The following NEK5 variants were observed in gnomAD, a reference collection of about 807,000 sequenced individuals.
The protein encoded by NEK5 is serine/threonine-protein kinase Nek5.
A neutral mutation model predicts 109.2 loss-of-function variants in NEK5; 88 were observed. The observed-to-expected ratio is 0.81, with a 90% confidence interval of 0.68 to 0.96. The LOEUF (loss-of-function observed/expected upper bound fraction) is 0.96, where lower values mean the gene tolerates loss of function less well. Ranked by LOEUF, NEK5 falls within the 40% of genes least tolerant of loss-of-function variation. The pLI is 0.00. For synonymous variants in NEK5, 283 were observed against 299.9 expected (o/e 0.94, Z 0.58); for missense variants, 834 against 920.7 (o/e 0.91, Z 1.22).
chr13:52,124,378 C>A (rs1440752281), intron 3 of NEK5, among the ~76,000 whole-genome samples: 2 of 152,180 alleles, frequency 1.3e-5, no homozygotes, highest in African/African-American at 4.8e-5. Context: ...TGTAGGTATA[C>A]ATATATATGG....
rs1231504847 is a variant in NEK5, at chr13:52,036,694, C to T, written c.*254G>A. On this transcript the variant is annotated 3_prime_UTR_variant, in exon 24 of 24. Coordinates refer to ENST00000684899, the MANE Select transcript of NEK5 (RefSeq NM_001365552.1). ...TGTTGGTTGGACTGGTCTCAAACTC[C>T]TGACCTCATGATCTGCCTGCCTTGG... The T allele has an allele frequency of 6.6e-6, 1 of 152,514 alleles. No homozygotes were observed. The highest frequency in any genetic ancestry group is 1.9e-4 in the East Asian group (1 of 5,204). 9.4% of individuals were successfully genotyped at this position (152,514 alleles called of 1,614,324 possible).
intron 13 of NEK5, 104 bp downstream of exon 13, chr13:52,092,950 C>T (rs1955321661): frequency 3.9e-6 from 3 of 770,272 alleles, no homozygotes; most frequent in Non-Finnish European, 4.1e-6. Context: ...GAAAGTTCTT[C>T]TTGGATTATT....
chr13:52,047,868 T>C (rs1440976395), intron 23 of NEK5, among the ~76,000 whole-genome samples: 1 of 152,022 alleles, frequency 6.6e-6, no homozygotes, highest in Admixed American at 6.6e-5. Context: ...TAAATTATAA[T>C]AAAATTTTAA....
At chr13:52,124,807 C>G (rs1212210499) in intron 3 of NEK5, among the ~76,000 whole-genome samples, 1 of 152,148 alleles carries the variant, frequency 6.6e-6, no homozygotes, top group Non-Finnish European at 1.5e-5. Context: ...CAAACCTAGG[C>G]AACTCTTTCT....
intron 13 of NEK5, among the ~76,000 whole-genome samples, chr13:52,092,819 G>A (rs1955316347): frequency 6.6e-6 from 1 of 152,192 alleles, no homozygotes; most frequent in Admixed American, 6.5e-5. Flanking sequence ...TCAGAAGGCA[G>A]AGGTTGCAGT....
intron 17 of NEK5, among the ~76,000 whole-genome samples, chr13:52,078,374 A>G (rs1479960261): frequency 1.3e-5 from 2 of 152,186 alleles, no homozygotes; most frequent in South Asian, 2.1e-4. Flanking sequence ...CAGCGACAGA[A>G]AGCAGATCCG....
At chr13:52,115,230 T>C (rs918005789) in intron 4 of NEK5, among the ~76,000 whole-genome samples, 1 of 151,808 alleles carries the variant, frequency 6.6e-6, no homozygotes, top group Non-Finnish European at 1.5e-5. Context: ...CTCGATCTCC[T>C]GACCTCGTGA....
chr13:52,075,962 T>C (rs1348455347), intron 18 of NEK5, 101 bp downstream of exon 18: 2 of 918,524 alleles, frequency 2.2e-6, no homozygotes, highest in Admixed American at 5.5e-5. Flanking sequence ...AGAGCAATTC[T>C]ATAAAATACT....
chr13:52,110,580 A>G lies in NEK5; in HGVS notation c.313-3T>C. ...ATCTGTACAAACCAACCGAGGATCT[A>G]TAGAGAGAACACAAAACAAAGCCAC... On this transcript the variant is annotated splice_polypyrimidine_tract_variant and splice_region_variant and intron_variant, in intron 5 of 23. Transcript: ENST00000684899. 1.2e-6 allele frequency: 2 copies of G among 1,600,186 alleles called. No individual in the cohort carries two copies. The highest frequency in any genetic ancestry group is 1.7e-6 in the Non-Finnish European group (2 of 1,169,130).
intron 20 of NEK5, among the ~76,000 whole-genome samples, chr13:52,069,669 A>C (rs1354917821): frequency 1.3e-5 from 2 of 152,156 alleles, no homozygotes; most frequent in Non-Finnish European, 2.9e-5. Context: ...TTGAATTAGA[A>C]AACTGGGAAT....
At chr13:52,091,424 T>C (rs554171365) in intron 13 of NEK5, among the ~76,000 whole-genome samples, 100 of 152,330 alleles carry the variant, frequency 6.6e-4, no homozygotes, top group African/African-American at 2.3e-3. Context: ...ATTAAAAATG[T>C]GTTATGAAGA....
At chr13:52,092,920 G>T in intron 13 of NEK5, 134 bp downstream of exon 13, 1 of 616,512 alleles carries the variant, frequency 1.6e-6, no homozygotes, top group Non-Finnish European at 2.8e-6. Context: ...AGGGAACTAT[G>T]TGTTTAAAAT....
intron 3 of NEK5, among the ~76,000 whole-genome samples, chr13:52,121,918 C>T (rs1378256646): frequency 6.6e-6 from 1 of 150,500 alleles, no homozygotes; most frequent in Non-Finnish European, 1.5e-5. Flanking sequence ...AAATAAATTA[C>T]AGGGGTGTTT....
intron 17 of NEK5, among the ~76,000 whole-genome samples, chr13:52,080,231 CCCGCCCGG>C (rs1433042788): frequency 3.6e-5 from 5 of 140,084 alleles, no homozygotes; most frequent in Admixed American, 1.4e-4. Flanking sequence ...GGGTCAGCCC[CCCGCCCGG>C]CCAGCCGCCC....
chr13:52,105,978 GCATGAGC>G (rs1291240269), intron 8 of NEK5, among the ~76,000 whole-genome samples: 1 of 152,022 alleles, frequency 6.6e-6, no homozygotes, highest in Non-Finnish European at 1.5e-5. Flanking sequence ...GGGATTATAG[GCATGAGC>G]CACCATATCC....
chr13:52,059,989 A>C (rs923396020), intron 22 of NEK5, among the ~76,000 whole-genome samples: 1 of 151,936 alleles, frequency 6.6e-6, no homozygotes, highest in Admixed American at 6.6e-5. Context: ...TAATCATAAT[A>C]ATAATTAGGT....
At chr13:52,076,249 T>C in intron 17 of NEK5, 106 bp from the exon 18 acceptor site, 1 of 638,496 alleles carries the variant, frequency 1.6e-6, no homozygotes, top group Non-Finnish European at 2.7e-6. Context: ...GCTTTTATAA[T>C]GGAAAGTTAA....
chr13:52,109,478 C>T (rs556364618), intron 7 of NEK5, among the ~76,000 whole-genome samples: 1 of 152,268 alleles, frequency 6.6e-6, no homozygotes, highest in African/African-American at 2.4e-5. Context: ...TTGTCCATAT[C>T]TTGAAATAGT....
At chr13:52,054,795 C>A (rs1319755093) in intron 22 of NEK5, among the ~76,000 whole-genome samples, 1 of 151,430 alleles carries the variant, frequency 6.6e-6, no homozygotes, top group African/African-American at 2.4e-5. Context: ...AAAAACCCAT[C>A]TGTACATCAC....
Sources: allele counts gnomAD v4.1 joint callset (sites outside exome capture counted in the v4.1 genomes callset), GRCh38; gene constraint gnomAD v4.1.1; transcripts MANE v1.5; gene names NCBI Gene and HGNC (gene_info 2026-07-23, HGNC 2026-07-21).